SLC38A2: variants seen among roughly 807,000 people sequenced by gnomAD.
The protein encoded by SLC38A2 is solute carrier family 38 member 2.
A neutral mutation model predicts 61.5 loss-of-function variants in SLC38A2; 11 were observed. That is an observed-to-expected ratio of 0.18 (90% CI 0.11 to 0.30). The LOEUF is 0.30. Among genes scored for constraint, SLC38A2 ranks in the 10% least tolerant of loss-of-function variants. SLC38A2 has a pLI of 1.00. For synonymous variants in SLC38A2, 217 were observed against 212.5 expected (o/e 1.02, Z -0.18); for missense variants, 522 against 600.4 (o/e 0.87, Z 1.36).
At chr12:46,370,273 A>C (rs1388834144) in intron 4 of SLC38A2, among the ~76,000 whole-genome samples, 1 of 152,212 alleles carries the variant, frequency 6.6e-6, no homozygotes, top group African/African-American at 2.4e-5. Flanking sequence ...CTGACTTAGA[A>C]GACTTCTGGC....
chr12:46,369,548 T>C (rs772159099), intron 4 of SLC38A2, among the ~76,000 whole-genome samples: 7 of 152,192 alleles, frequency 4.6e-5, no homozygotes, highest in African/African-American at 1.7e-4. Flanking sequence ...TATATACATA[T>C]GGTTTCCTTA....
At chr12:46,368,778 TTTAA>T (rs1343913793) in intron 4 of SLC38A2, among the ~76,000 whole-genome samples, 2 of 152,166 alleles carry the variant, frequency 1.3e-5, no homozygotes, top group African/African-American at 4.8e-5. Context: ...AATATGTTGG[TTTAA>T]TTAAAAACAA....
Position 46,372,733 on chromosome 12 carries a change from T to C in SLC38A2, c.-311A>G, listed in dbSNP as rs1247381890. On this transcript the variant is annotated 5_prime_UTR_variant, in exon 1 of 16. Coordinates refer to ENST00000256689, the MANE Select transcript of SLC38A2 (RefSeq NM_018976.5). ...CGCGTGGTCGGGCTGCTGCTAGCAG[T>C]ACTGGAAAGGCGTTCTAAGGCGGCG... is the stretch of plus-strand genomic sequence containing the variant. 7.5e-6 allele frequency: 3 copies of C among 398,306 alleles called. No homozygotes were observed. The allele number at this position is 398,306 out of a possible 1,614,324, so 24.7% of individuals were successfully genotyped here. A position where few individuals can be genotyped will look rare whatever the true frequency, so the allele number is the denominator to read the frequency against.
At chr12:46,365,700 C>A (rs1191262776) in intron 7 of SLC38A2, among the ~76,000 whole-genome samples, 1 of 151,698 alleles carries the variant, frequency 6.6e-6, no homozygotes, top group Non-Finnish European at 1.5e-5. Context: ...GCAAACTGCC[C>A]CCCCCATAAA....
chr12:46,362,800 A>G, intron 13 of SLC38A2, 162 bp from the exon 14 acceptor site: 1 of 937,128 alleles, frequency 1.1e-6, no homozygotes. Context: ...TGTTTCCTGA[A>G]CATCTGAACA....
At position 46,370,615 on chromosome 12, in the gene SLC38A2, T is replaced by TA; in HGVS notation, c.210dup (p.Thr71TyrfsTer9). 6.2e-7 allele frequency: 1 copy of TA among 1,613,262 alleles called. No individual in the cohort carries two copies. On this transcript the variant is annotated frameshift_variant, in exon 4 of 16. Coordinates refer to ENST00000256689, the MANE Select transcript of SLC38A2 (RefSeq NM_018976.5). LOFTEE classifies it high-confidence loss of function. Reference sequence around the variant, plus strand: ...TTAAATACTGACATTCCAAAGGAAGTAGTACCTGGATGCTACATAGAGGGA... The same window carrying TA: ...TTAAATACTGACATTCCAAAGGAAGTAAGTACCTGGATGCTACATAGAGGGA...
Position 46,370,860 on chromosome 12 carries a change from G to A in SLC38A2, c.117-3C>T, listed in dbSNP as rs1158985960. On this transcript the variant is annotated splice_polypyrimidine_tract_variant and splice_region_variant and intron_variant, in intron 2 of 15. Coordinates refer to ENST00000256689, the MANE Select transcript of SLC38A2 (RefSeq NM_018976.5). ...CAGGATCTACATCTGCATAATGGCT[G>A]CAAAAAATATAGACATATATAATTG... 1.3e-6 allele frequency: 2 copies of A among 1,598,240 alleles called. No homozygotes were observed. The highest frequency in any genetic ancestry group is 1.7e-6 in the Non-Finnish European group (2 of 1,172,522).
In SLC38A2 at chr12:46,364,519, T is replaced by G. The variant is rs1943118249; in HGVS notation, c.743A>C (p.Glu248Ala). The change falls in exon 10 of 16, where the codon GAA becomes GCA. Residue 248 changes from glutamate (E) to alanine (A), a missense_variant. By Grantham distance (107) the Glu-to-Ala change is moderately radical. Coordinates refer to ENST00000256689, the MANE Select transcript of SLC38A2 (RefSeq NM_018976.5). ...CKKFQVPCPV[E>A]AALIINETIN... ...TGTTTCGTTAATTATCAAAGCAGCTTCCACAGGACACGGAACCTGAAATTT... is the reference window on the plus strand; with the variant it reads ...TGTTTCGTTAATTATCAAAGCAGCTGCCACAGGACACGGAACCTGAAATTT... 1 of 1,611,910 alleles carries G rather than the reference T, an allele frequency of 6.2e-7. No homozygotes were observed. The highest frequency in any genetic ancestry group is 8.5e-7 in the Non-Finnish European group (1 of 1,179,040).
chr12:46,367,264 T>C lies in SLC38A2; in HGVS notation c.388+3A>G, dbSNP rs754706673. ...TTTAGAAAAATCAAGAATGCTATCA[T>C]ACCTCCTTCATTGGCAGTCTTCAAA... On this transcript the variant is annotated splice_donor_region_variant and intron_variant, in intron 5 of 15. Transcript: ENST00000256689. 20 of 1,591,804 alleles carry C rather than the reference T, an allele frequency of 1.3e-5. No homozygotes were observed. The highest frequency in any genetic ancestry group is 1.7e-5 in the Non-Finnish European group (20 of 1,160,188).
At chr12:46,365,063 G>C (rs774044622) in intron 8 of SLC38A2, 44 bp downstream of exon 8, 12 of 1,498,214 alleles carry the variant, frequency 8.0e-6, no homozygotes, top group Non-Finnish European at 1.1e-5. Context: ...CAACTAACTG[G>C]TGAGAGGCTC....
At chr12:46,361,697 T>A (rs1228657959) in intron 15 of SLC38A2, among the ~76,000 whole-genome samples, 1 of 152,180 alleles carries the variant, frequency 6.6e-6, no homozygotes, top group Non-Finnish European at 1.5e-5. Context: ...AGTACTTTAA[T>A]CAGAGCAGAA....
chr12:46,365,362 C>T, intron 7 of SLC38A2, 173 bp from the exon 8 acceptor site: 1 of 631,872 alleles, frequency 1.6e-6, no homozygotes, highest in South Asian at 2.0e-5. Flanking sequence ...ATTTTGTGTG[C>T]TAGATGAACA....
chr12:46,361,423 C>T (rs930167767), intron 15 of SLC38A2, among the ~76,000 whole-genome samples: 2 of 152,116 alleles, frequency 1.3e-5, no homozygotes, highest in Non-Finnish European at 2.9e-5. Context: ...AACTTTTTCA[C>T]TTTTTCATTC....
chr12:46,370,459 T>C (rs1243103234), intron 4 of SLC38A2, 53 bp downstream of exon 4: 4 of 1,350,078 alleles, frequency 3.0e-6, no homozygotes, highest in African/African-American at 1.4e-5. Context: ...CCAAAATATG[T>C]TTTACCATAG....
intron 1 of SLC38A2, 180 bp from the exon 2 acceptor site, chr12:46,371,559 G>A (rs759573510): frequency 1.8e-5 from 8 of 444,766 alleles, no homozygotes; most frequent in South Asian, 5.4e-5. Flanking sequence ...GGAGCCGCGG[G>A]GAGAACAAAG....
chr12:46,364,084 A>C, intron 10 of SLC38A2, 81 bp from the exon 11 acceptor site: 2 of 1,239,546 alleles, frequency 1.6e-6, no homozygotes, highest in Non-Finnish European at 2.2e-6. Flanking sequence ...ATTTTATGTA[A>C]ACAATCTTAG....
Position 46,370,634 on chromosome 12 carries a change from A to G in SLC38A2, c.199-7T>C, listed in dbSNP as rs780563961. 2 of 1,604,550 alleles carry G rather than the reference A, an allele frequency of 1.2e-6. No homozygotes were observed. The highest frequency in any genetic ancestry group is 2.7e-5 in the African/African-American group (2 of 74,718). ...AGGAAGTAGTACCTGGATGCTACAT[A>G]GAGGGAAAACGATAACCAAACATAT... is the stretch of plus-strand genomic sequence containing the variant. On this transcript the variant is annotated splice_region_variant and splice_polypyrimidine_tract_variant and intron_variant, in intron 3 of 15. Transcript: ENST00000256689.
chr12:46,367,308 A>G lies in SLC38A2; in HGVS notation c.347T>C (p.Leu116Pro). ...ILLTFVSIFS[L>P]YSVHLLLKTA... Reference sequence around the variant, plus strand: ...CTTCAAAAGGAGATGAACAGAATACAGGGAAAATATTGACACAAATGTCAA... The same window carrying G: ...CTTCAAAAGGAGATGAACAGAATACGGGGAAAATATTGACACAAATGTCAA... The change falls in exon 5 of 16, where the codon CTG becomes CCG. Residue 116 changes from leucine (L) to proline (P), a missense_variant. By Grantham distance (98) the Leu-to-Pro change is moderately conservative. Coordinates refer to ENST00000256689, the MANE Select transcript of SLC38A2 (RefSeq NM_018976.5). 1 of 1,600,092 alleles carries G rather than the reference A, an allele frequency of 6.2e-7. No homozygotes were observed. The highest frequency in any genetic ancestry group is 8.6e-7 in the Non-Finnish European group (1 of 1,167,584).
chr12:46,371,034 C>G (rs1013935495), intron 2 of SLC38A2, 144 bp downstream of exon 2: 4 of 857,278 alleles, frequency 4.7e-6, no homozygotes, highest in South Asian at 2.9e-5. Flanking sequence ...GTCATTACAA[C>G]AAGATAATCG....
Sources: gnomAD v4.1 joint callset for allele counts (sites outside exome capture counted in the v4.1 genomes callset) on GRCh38, gnomAD v4.1.1 for gene constraint, MANE v1.5 for transcripts, NCBI Gene and HGNC (gene_info 2026-07-23, HGNC 2026-07-21) for gene names.